Variants in NDUFA10 observed in about 807,000 individuals in gnomAD.
NDUFA10 encodes NADH dehydrogenase [ubiquinone] 1 alpha subcomplex subunit 10, mitochondrial.
A neutral mutation model predicts 47.8 loss-of-function variants in NDUFA10; 40 were observed. That is an observed-to-expected ratio of 0.84 (90% CI 0.65 to 1.09). The LOEUF (loss-of-function observed/expected upper bound fraction) is 1.09, where lower values mean the gene tolerates loss of function less well. Among genes scored for constraint, NDUFA10 ranks in the 50% least tolerant of loss-of-function variants. The pLI is 0.00. For missense variants in NDUFA10, 413 were observed against 451.1 expected, an observed-to-expected ratio of 0.92 and a Z score of 0.76; for synonymous variants, 183 against 172.2, an observed-to-expected ratio of 1.06 and a Z score of -0.49.
chr2:239,949,693 G>A (rs955917820), intron 4 of NDUFA10, among the ~76,000 whole-genome samples: 2 of 151,838 alleles, frequency 1.3e-5, no homozygotes, highest in African/African-American at 2.4e-5. Flanking sequence ...TATGTTGCCC[G>A]GGCTGGTCTC....
chr2:239,927,195 AT>A (rs1211040215), intron 4 of NDUFA10, among the ~76,000 whole-genome samples: 2 of 152,264 alleles, frequency 1.3e-5, no homozygotes, highest in African/African-American at 4.8e-5. Flanking sequence ...GTGCCTTAGT[AT>A]TTTTTTAAAG....
chr2:239,899,752 A>C (rs535033568), intron 4 of NDUFA10, among the ~76,000 whole-genome samples: 3 of 152,104 alleles, frequency 2.0e-5, no homozygotes, highest in African/African-American at 4.8e-5. Flanking sequence ...TGAGAGGCTG[A>C]ATGGACAATG....
Position 240,011,645 on chromosome 2 carries a change from A to G in NDUFA10, c.721T>C (p.Tyr241His), listed in dbSNP as rs1168686339. 2 of 1,613,588 alleles carry G rather than the reference A, an allele frequency of 1.2e-6. No homozygotes were observed. Among genetic ancestry groups the G allele is most frequent in the East Asian group, 4.5e-5 (2 of 44,880 alleles). The change falls in exon 6 of 10, where the codon TAT becomes CAT. Residue 241 changes from tyrosine (Y) to histidine (H), a missense_variant. Physicochemically the swap from Tyr to His is moderately conservative, Grantham distance 83. Coordinates refer to ENST00000252711, the MANE Select transcript of NDUFA10 (RefSeq NM_004544.4). ...SAYLQDIENAYKKTFLPEMSE... is the reference protein window; with the variant it reads ...SAYLQDIENAHKKTFLPEMSE... ...ATCTCAGGGAGAAAGGTTTTCTTAT[A>G]GGCATTCTCAATGTCCTGTAGATAG... is the stretch of plus-strand genomic sequence containing the variant.
chr2:239,996,242 ACTCTT>A (rs1418620647), intron 8 of NDUFA10, among the ~76,000 whole-genome samples: 1 of 152,080 alleles, frequency 6.6e-6, no homozygotes, highest in African/African-American at 2.4e-5. Context: ...CAGAATCTAC[ACTCTT>A]CTCAAGCTGA....
In NDUFA10 at chr2:239,987,451, C is replaced by A. The variant is rs1696046726; in HGVS notation, c.999+2623G>T. ...AGTTCAAATGATCCTGACACCGAGA[C>A]CACACTCGGCGAACCATCACATTCA... is the stretch of plus-strand genomic sequence containing the variant. On this transcript the variant is annotated intron_variant, in intron 9 of 9. Coordinates refer to ENST00000252711, the MANE Select transcript of NDUFA10 (RefSeq NM_004544.4). The surrounding 1 kb of genome is among the most constrained non-coding windows in gnomAD (Gnocchi z 4.8). 6.6e-6 allele frequency among the ~76,000 whole-genome samples: 1 copy of A among 151,218 alleles called. No homozygotes were observed. The highest frequency in any genetic ancestry group is 1.5e-5 in the Non-Finnish European group (1 of 67,810).
At position 239,959,200 on chromosome 2, in the gene NDUFA10, ACACAGGGGATGATCAGAG is replaced by A. The variant is rs377048112; in HGVS notation, c.*1900_*1917del. On this transcript the variant is annotated 3_prime_UTR_variant, in exon 10 of 10. Transcript: ENST00000252711. ...TGCAACCACACAGGGTCAGACGCAA[ACACAGGGGATGATCAGAG>A]CACCCGAGTCCACACCATGCCGACA... 149,666 of 983,960 alleles carry A rather than the reference ACACAGGGGATGATCAGAG, an allele frequency of 0.15. 12,023 individuals are homozygous for A. The highest frequency in any genetic ancestry group is 0.2 in the South Asian group (4,273 of 21,236). The allele number at this position is 983,960 out of a possible 1,614,324, so 61.0% of individuals were successfully genotyped here.
intron 4 of NDUFA10, among the ~76,000 whole-genome samples, chr2:239,952,323 C>A (rs935155320): frequency 6.6e-6 from 1 of 151,928 alleles, no homozygotes; most frequent in Admixed American, 6.5e-5. Flanking sequence ...GAGAAAGGAG[C>A]AGACCTCCTG....
chr2:240,023,454 C>T (rs1697724200), intron 1 of NDUFA10, among the ~76,000 whole-genome samples: 1 of 152,048 alleles, frequency 6.6e-6, no homozygotes, highest in Admixed American at 6.6e-5. Flanking sequence ...GAGTACCATC[C>T]TAAACTGCTA....
chr2:239,918,643 G>A (rs1324249299), intron 4 of NDUFA10, among the ~76,000 whole-genome samples: 1 of 152,198 alleles, frequency 6.6e-6, no homozygotes, highest in African/African-American at 2.4e-5. Context: ...CTGGAGAACA[G>A]CTCTCCACCA....
intron 4 of NDUFA10, among the ~76,000 whole-genome samples, chr2:239,900,849 T>C (rs1237834003): frequency 6.6e-6 from 1 of 152,128 alleles, no homozygotes; most frequent in African/African-American, 2.4e-5. Flanking sequence ...CCAGCAGAGG[T>C]TGACTCAGGA....
chr2:239,952,297 G>T (rs943795698), intron 4 of NDUFA10, among the ~76,000 whole-genome samples: 2 of 151,708 alleles, frequency 1.3e-5, no homozygotes, highest in African/African-American at 4.8e-5. Context: ...AAGGCAGAGT[G>T]GGGAGGGGGG....
intron 4 of NDUFA10, among the ~76,000 whole-genome samples, chr2:239,909,519 A>G (rs1388091787): frequency 2.0e-5 from 3 of 152,166 alleles, no homozygotes. Context: ...AGGCTGAGGC[A>G]GGGGAATTGC....
chr2:240,017,186 A>G (rs1697385797), intron 4 of NDUFA10, among the ~76,000 whole-genome samples: 1 of 152,166 alleles, frequency 6.6e-6, no homozygotes, highest in African/African-American at 2.4e-5. Flanking sequence ...TGTCTCTGCC[A>G]TGCTAAAAAT....
chr2:239,935,128 G>A (rs898853248), intron 4 of NDUFA10, among the ~76,000 whole-genome samples: 11 of 152,094 alleles, frequency 7.2e-5, no homozygotes, highest in African/African-American at 1.7e-4. Context: ...GTCTCTCAGC[G>A]CTGGTTCCCA....
chr2:240,014,818 T>C lies in NDUFA10; in HGVS notation c.590A>G (p.Asp197Gly), dbSNP rs748683797. 4.5e-5 allele frequency: 72 copies of C among 1,614,040 alleles called. No individual in the cohort carries two copies. Among genetic ancestry groups the C allele is most frequent in the Non-Finnish European group, 5.8e-5 (69 of 1,180,026 alleles). ...AATCACCAGGTGGGGGGGCAGGTAA[T>C]CGCAGATGGTGACGCTCTTCACCTC... ...YNEVKSVTICDYLPPHLVIYI... is the reference protein window; with the variant it reads ...YNEVKSVTICGYLPPHLVIYI... The change falls in exon 5 of 10, where the codon GAT (aspartate) becomes GGT (glycine). Residue 197 changes from aspartate (D) to glycine (G), a missense_variant. By Grantham distance (94) the Asp-to-Gly change is moderately conservative. Coordinates refer to ENST00000252711, the MANE Select transcript of NDUFA10 (RefSeq NM_004544.4).
chr2:239,949,454 G>A (rs1694514395), intron 4 of NDUFA10, among the ~76,000 whole-genome samples: 1 of 152,188 alleles, frequency 6.6e-6, no homozygotes, highest in Non-Finnish European at 1.5e-5. Context: ...AGTCCACTGG[G>A]GGTCTGGAAA....
intron 4 of NDUFA10, among the ~76,000 whole-genome samples, chr2:239,936,027 G>C (rs1192561209): frequency 6.6e-6 from 1 of 152,158 alleles, no homozygotes; most frequent in Non-Finnish European, 1.5e-5. Flanking sequence ...ATTACTCCCG[G>C]CTCCCCCAGG....
At chr2:239,961,534 C>T (rs1053182263) in intron 9 of NDUFA10, among the ~76,000 whole-genome samples, 1 of 152,182 alleles carries the variant, frequency 6.6e-6, no homozygotes, top group Non-Finnish European at 1.5e-5. Flanking sequence ...GGGACAGCCA[C>T]GCAGACACAG....
chr2:240,007,219 A>G (rs1696978834), intron 7 of NDUFA10, 97 bp downstream of exon 7: 2 of 907,600 alleles, frequency 2.2e-6, no homozygotes, highest in South Asian at 2.8e-5. Context: ...GATGTTTGTT[A>G]AGACCAGTGG....
Sources: gnomAD v4.1 joint callset for allele counts (sites outside exome capture counted in the v4.1 genomes callset) on GRCh38, gnomAD v4.1.1 for gene constraint, Gnocchi (gnomAD v3.1) non-coding constraint, MANE v1.5 for transcripts, NCBI Gene and HGNC (gene_info 2026-07-23, HGNC 2026-07-21) for gene names.